USP18: variants seen among roughly 807,000 people sequenced by gnomAD.
The protein encoded by USP18 is ubl carboxyl-terminal hydrolase 18.
In USP18, 11 loss-of-function variants were observed where a neutral mutation model predicts 48.7. The ratio of observed to expected loss-of-function variants is 0.23; its 90% CI spans 0.14 to 0.37. The LOEUF (loss-of-function observed/expected upper bound fraction) is 0.37, where lower values mean the gene tolerates loss of function less well. Among genes scored for constraint, USP18 ranks in the 10% least tolerant of loss-of-function variants. The probability of loss-of-function intolerance (pLI) is 1.00; values close to 1 mark genes in which losing one functional copy is unlikely to be tolerated. For synonymous variants in USP18, 114 were observed against 163.2 expected (o/e 0.70, Z 2.30); for missense variants, 285 against 436.4 (o/e 0.65, Z 3.09).
intron 1 of USP18, among the ~76,000 whole-genome samples, chr22:18,152,840 C>T (rs1929034226): frequency 6.6e-6 from 1 of 152,152 alleles, no homozygotes; most frequent in Non-Finnish European, 1.5e-5. Flanking sequence ...AAATGATCTG[C>T]TCCATGAGGT....
intron 4 of USP18, among the ~76,000 whole-genome samples, chr22:18,164,780 C>T (rs1929432037): frequency 6.6e-6 from 1 of 152,132 alleles, no homozygotes; most frequent in African/African-American, 2.4e-5. Flanking sequence ...AACTGCTGAC[C>T]CATGTCTGCT....
Position 18,170,709 on chromosome 22 carries a change from C to T in USP18, c.724-44C>T, listed in dbSNP as rs1254205529. The T allele has an allele frequency of 2.0e-5, 32 of 1,605,924 alleles. No homozygotes were observed. The East Asian group carries it at 6.7e-4, about 34-fold the overall frequency. ...AGCCCTGACATTTCTCTGACTCTCT[C>T]ATTCCAAGTAGACTTCATCTCCAGA... is the stretch of plus-strand genomic sequence containing the variant. On this transcript the variant is annotated intron_variant, in intron 7 of 10. Transcript: ENST00000215794.
chr22:18,157,864 A>G, intron 2 of USP18, 44 bp downstream of exon 2: 1 of 1,610,560 alleles, frequency 6.2e-7, no homozygotes, highest in South Asian at 1.1e-5. Flanking sequence ...CTGCATGTAA[A>G]TGTTCGGCTC....
At chr22:18,163,307 T>C (rs1304784240) in intron 4 of USP18, among the ~76,000 whole-genome samples, 5 of 152,120 alleles carry the variant, frequency 3.3e-5, no homozygotes, top group African/African-American at 7.2e-5. Context: ...GTTTCTTCAT[T>C]GTTCTTGATT....
In USP18 at chr22:18,160,263, G is replaced by A; in HGVS notation, c.249G>A (p.Leu83=). ...TGAATGTGGACTTCACCAGGATATT[G>A]AAGAGGTAAGACTGTTCTTCAGGCT... ...FVMNVDFTRI[L]KRITVPRGAD... is the part of the protein sequence containing the mutation. Residue 83 remains leucine (L), a synonymous_variant, in exon 3 of 11, where the codon TTG becomes TTA. Transcript: ENST00000215794. 6.2e-7 allele frequency: 1 copy of A among 1,613,970 alleles called. No homozygotes were observed. The highest frequency in any genetic ancestry group is 8.5e-7 in the Non-Finnish European group (1 of 1,179,912).
intron 10 of USP18, among the ~76,000 whole-genome samples, chr22:18,175,293 G>C (rs1213775263): frequency 6.6e-6 from 1 of 152,068 alleles, no homozygotes; most frequent in Non-Finnish European, 1.5e-5. Context: ...AAGTTTCTTA[G>C]CTGAGCTTTT....
At chr22:18,160,751 G>T (rs748589818) in intron 3 of USP18, among the ~76,000 whole-genome samples, 4 of 149,612 alleles carry the variant, frequency 2.7e-5, no homozygotes, top group Non-Finnish European at 5.9e-5. Context: ...TCTGGGGTGC[G>T]ACCCAAGTAT....
chr22:18,160,372 C>CT lies in USP18; in HGVS notation c.254+106dup, dbSNP rs1223265763. The CT allele has an allele frequency of 1.4e-5, 19 of 1,358,868 alleles. No individual in the cohort carries two copies. The East Asian group carries it at 4.3e-4, about 31-fold the overall frequency. 84.2% of individuals were successfully genotyped at this position (1,358,868 alleles called of 1,614,324 possible). A position where few individuals can be genotyped will look rare whatever the true frequency, so the allele number is the denominator to read the frequency against. The stretch of plus-strand genomic sequence containing the variant: ...CCAGGCTGGAGTGCAGTGGCATGAT[C>CT]TTGGCTCACTGCAAGTTCTGCCTCC... On this transcript the variant is annotated intron_variant, in intron 3 of 10. Transcript: ENST00000215794.
chr22:18,154,315 T>C (rs551767493), intron 1 of USP18, among the ~76,000 whole-genome samples: 38 of 152,274 alleles, frequency 2.5e-4, no homozygotes, highest in African/African-American at 8.9e-4. Context: ...AGTTTTCTCA[T>C]CTGTCAAATG....
At chr22:18,150,842 C>T (rs1372928105) in intron 1 of USP18, among the ~76,000 whole-genome samples, 1 of 152,188 alleles carries the variant, frequency 6.6e-6, no homozygotes, top group Admixed American at 6.5e-5. Flanking sequence ...ATCCCAGCTA[C>T]TCGGGAGGCT....
intron 1 of USP18, among the ~76,000 whole-genome samples, chr22:18,150,782 G>A (rs548846412): frequency 6.6e-6 from 1 of 152,254 alleles, no homozygotes; most frequent in African/African-American, 2.4e-5. Flanking sequence ...GAGAAACCCC[G>A]TCTCTACTAA....
chr22:18,157,599 T>G lies in USP18; in HGVS notation c.-65T>G. ...GGCTCACATAAGCGCTTCCTGGAAG[T>G]GAAGTCGTGCTGTCCTGAACGCGGG... On this transcript the variant is annotated 5_prime_UTR_variant, in exon 2 of 11. Transcript: ENST00000215794. 1.3e-6 allele frequency: 2 copies of G among 1,592,356 alleles called. No homozygotes were observed. The highest frequency in any genetic ancestry group is 1.7e-6 in the Non-Finnish European group (2 of 1,167,844).
intron 4 of USP18, among the ~76,000 whole-genome samples, chr22:18,162,744 C>A (rs970510879): frequency 1.4e-4 from 21 of 152,070 alleles, no homozygotes; most frequent in Non-Finnish European, 2.5e-4. Context: ...TGCACTTACA[C>A]AAATTTAGAT....
intron 7 of USP18, 37 bp from the exon 8 acceptor site, chr22:18,170,716 A>G (rs750002796): frequency 1.2e-5 from 19 of 1,607,676 alleles, no homozygotes; most frequent in Non-Finnish European, 1.4e-5. Context: ...TCTCATTCCA[A>G]GTAGACTTCA....
Position 18,157,798 on chromosome 22 carries a change from C to T in USP18, c.135C>T (p.Pro45=), listed in dbSNP as rs1929207941. Residue 45 remains proline, a synonymous_variant, in exon 2 of 11, where the codon CCC becomes CCT. Coordinates refer to ENST00000215794, the MANE Select transcript of USP18 (RefSeq NM_017414.4). ...AGAGAGAGCAGCCCAGAGAGCGTCC[C>T]AGGGCCTGGGACTACCCTCATGGTC... ...NMKREQPRER[P]RAWDYPHGLV... 1.9e-6 allele frequency: 3 copies of T among 1,614,088 alleles called. No individual in the cohort carries two copies. The highest frequency in any genetic ancestry group is 2.7e-5 in the African/African-American group (2 of 75,020).
At chr22:18,165,761 C>CT (rs1377030344) in intron 4 of USP18, among the ~76,000 whole-genome samples, 1 of 150,482 alleles carries the variant, frequency 6.6e-6, no homozygotes, top group Non-Finnish European at 1.5e-5. Flanking sequence ...CTTCCACCCT[C>CT]TAGGGGTTTG....
intron 1 of USP18, among the ~76,000 whole-genome samples, chr22:18,154,685 C>A (rs1026268675): frequency 3.9e-5 from 6 of 152,142 alleles, no homozygotes; most frequent in African/African-American, 1.4e-4. Flanking sequence ...AAGTGATCCT[C>A]CCACCTCAGC....
intron 4 of USP18, among the ~76,000 whole-genome samples, 194 bp from the exon 5 acceptor site, chr22:18,167,061 C>T (rs551976141): frequency 8.2e-4 from 125 of 152,274 alleles, no homozygotes; most frequent in African/African-American, 2.9e-3. Flanking sequence ...TTTTAAGAGG[C>T]GTTCTCAAAA....
chr22:18,160,077 G>C (rs530070857), intron 2 of USP18, 95 bp from the exon 3 acceptor site: 1 of 1,219,952 alleles, frequency 8.2e-7, no homozygotes, highest in African/African-American at 1.5e-5. Flanking sequence ...GCCTCCCAAA[G>C]TACTGGAATT....
Sources: allele counts gnomAD v4.1 joint callset (sites outside exome capture counted in the v4.1 genomes callset), GRCh38; gene constraint gnomAD v4.1.1; transcripts MANE v1.5; gene names NCBI Gene and HGNC (gene_info 2026-07-23, HGNC 2026-07-21).